Variants in KIF13A observed in about 807,000 individuals in gnomAD.
The protein encoded by KIF13A is kinesin-like protein KIF13A.
Under a neutral mutation model 212.2 loss-of-function variants are expected in KIF13A, and 79 were observed. The observed-to-expected ratio is 0.37, with a 90% confidence interval of 0.31 to 0.45. KIF13A has a LOEUF of 0.45. KIF13A is among the 20% of genes least tolerant of loss of function. KIF13A has a pLI of 1.00. For synonymous variants in KIF13A, 789 were observed against 808.6 expected, an observed-to-expected ratio of 0.98 and a Z score of 0.41; for missense variants, 1,901 against 2,209.0, an observed-to-expected ratio of 0.86 and a Z score of 2.79.
Position 17,786,543 on chromosome 6 carries a change from T to C in KIF13A, c.3362-902A>G, listed in dbSNP as rs1023269977. Among the ~76,000 whole-genome samples, 7 of 151,946 alleles carry C rather than the reference T, an allele frequency of 4.6e-5. No homozygotes were observed. The East Asian group carries it at 7.7e-4, about 17-fold the overall frequency. On this transcript the variant is annotated intron_variant, in intron 27 of 38. Transcript: ENST00000259711. The surrounding 1 kb of genome is among the most constrained non-coding windows in gnomAD (Gnocchi z 5.4). ...TGAACCTGGGAGGAGGAGGTTGCAG[T>C]GGGCCAAGATCATGCCACTGCACTC...
chr6:17,815,800 C>G (rs906792171), intron 17 of KIF13A, among the ~76,000 whole-genome samples: 2 of 152,080 alleles, frequency 1.3e-5, no homozygotes, highest in African/African-American at 4.8e-5. Flanking sequence ...CCCTTGGTCT[C>G]TTGCCTTGGC....
intron 12 of KIF13A, among the ~76,000 whole-genome samples, chr6:17,832,815 C>A (rs144523677): frequency 6.6e-6 from 1 of 151,576 alleles, no homozygotes; most frequent in Admixed American, 6.6e-5. Flanking sequence ...AGTTTGAGAT[C>A]AGCTGGGGCA....
At chr6:17,962,912 G>T (rs1308536550) in intron 2 of KIF13A, among the ~76,000 whole-genome samples, 1 of 152,160 alleles carries the variant, frequency 6.6e-6, no homozygotes, top group Admixed American at 6.5e-5. Context: ...TTATCAGCCA[G>T]CCCCAAAGTT....
rs1429408588 is a variant in KIF13A at position 17,772,131 on chromosome 6, G to A, written c.4325-72C>T. On this transcript the variant is annotated intron_variant, in intron 36 of 38. Transcript: ENST00000259711. This position sits in a 1 kb window ranked among gnomAD's most constrained non-coding sequence, Gnocchi z 4.8. ...AGCAAAACATAGGAACTGAGACAAT[G>A]ACCCAGCCATGGGAATATCTGGGAG... 1.1e-5 allele frequency: 16 copies of A among 1,393,192 alleles called. No homozygotes were observed. The Admixed American group carries it at 3.1e-4, about 27-fold the overall frequency. The allele number at this position is 1,393,192 out of a possible 1,614,324, so 86.3% of individuals were successfully genotyped here. A position where few individuals can be genotyped will look rare whatever the true frequency, so the allele number is the denominator to read the frequency against.
At chr6:17,910,592 T>C (rs552910755) in intron 2 of KIF13A, among the ~76,000 whole-genome samples, 102 of 152,370 alleles carry the variant, frequency 6.7e-4, no homozygotes, top group Admixed American at 9.1e-4. Flanking sequence ...CTGTTAGTTT[T>C]TGTCAAAAAA....
chr6:17,986,980 C>T, intron 2 of KIF13A, 74 bp downstream of exon 2: 2 of 1,070,978 alleles, frequency 1.9e-6, no homozygotes, highest in South Asian at 2.6e-5. Context: ...AGAGCACTCC[C>T]ATTTTCCTGG....
intron 23 of KIF13A, 71 bp downstream of exon 23, chr6:17,796,598 G>T: frequency 2.0e-6 from 2 of 984,134 alleles, no homozygotes; most frequent in Non-Finnish European, 2.8e-6. Flanking sequence ...TCCTAGGCCA[G>T]AGTAGGTTCA....
At chr6:17,807,554 A>G (rs2150342582) in intron 18 of KIF13A, among the ~76,000 whole-genome samples, 2 of 145,924 alleles carry the variant, frequency 1.4e-5, no homozygotes, top group South Asian at 4.2e-4. Context: ...TATCAAGACA[A>G]TATGTGCACC....
At chr6:17,795,740 C>G (rs982155740) in intron 23 of KIF13A, among the ~76,000 whole-genome samples, 1 of 152,188 alleles carries the variant, frequency 6.6e-6, no homozygotes, top group African/African-American at 2.4e-5. Flanking sequence ...AGTCCTCCCC[C>G]AGATTGCAGC....
intron 2 of KIF13A, among the ~76,000 whole-genome samples, chr6:17,980,328 T>C (rs912067087): frequency 6.6e-6 from 1 of 152,178 alleles, no homozygotes; most frequent in African/African-American, 2.4e-5. Context: ...CTTCCAATCA[T>C]GCTTTCTTAG....
chr6:17,817,196 T>C lies in KIF13A; in HGVS notation c.1824A>G (p.Gln608=), dbSNP rs371340641. The C allele has an allele frequency of 6.2e-7, 1 of 1,614,072 alleles. No homozygotes were observed. The highest frequency in any genetic ancestry group is 8.5e-7 in the Non-Finnish European group (1 of 1,179,904). ...GGGCACTTCTCTTTTCTTCTAGGTA[T>C]TGTTTCTCCAGGACCTGAACCACAT... ...VQNVVQVLEK[Q]YLEEKRSALE... The change falls in exon 17 of 39, where the codon CAA becomes CAG. Residue 608 remains glutamine, a synonymous_variant. Coordinates refer to ENST00000259711, the MANE Select transcript of KIF13A (RefSeq NM_022113.6).
At chr6:17,830,327 A>G (rs749012271) in intron 13 of KIF13A, among the ~76,000 whole-genome samples, 7 of 152,212 alleles carry the variant, frequency 4.6e-5, no homozygotes, top group Non-Finnish European at 5.9e-5. Context: ...GAGACATGTA[A>G]TGATGTTATA....
At chr6:17,835,778 G>A (rs1164878631) in intron 11 of KIF13A, among the ~76,000 whole-genome samples, 2 of 152,164 alleles carry the variant, frequency 1.3e-5, no homozygotes, top group African/African-American at 4.8e-5. Context: ...GTCTTCTATT[G>A]ATTACTTTTT....
intron 2 of KIF13A, among the ~76,000 whole-genome samples, chr6:17,928,804 G>A (rs1775714213): frequency 6.6e-6 from 1 of 152,056 alleles, no homozygotes; most frequent in Non-Finnish European, 1.5e-5. Flanking sequence ...ACACATAATA[G>A]AGGTCACATA....
downstream of KIF13A, among the ~76,000 whole-genome samples, chr6:17,763,475 C>CAAAAAAAAAA (rs67357010): frequency 2.0e-4 from 15 of 75,668 alleles, no homozygotes; most frequent in Admixed American, 3.7e-4. Flanking sequence ...CACTCCATCT[C>CAAAAAAAAAA]AAAAAAAAAA....
chr6:17,940,316 C>T (rs1182405801), intron 2 of KIF13A, among the ~76,000 whole-genome samples: 2 of 152,102 alleles, frequency 1.3e-5, no homozygotes, highest in African/African-American at 4.8e-5. Context: ...TTCTGTAAAT[C>T]CGTGGTGGGT....
chr6:17,770,993 ATTTTC>A, intron 38 of KIF13A, 116 bp downstream of exon 38: 1 of 648,998 alleles, frequency 1.5e-6, no homozygotes, highest in African/African-American at 1.9e-5. Flanking sequence ...TCACATTTTT[ATTTTC>A]TTTAAGACAA....
intron 2 of KIF13A, among the ~76,000 whole-genome samples, chr6:17,925,842 T>C (rs1254752401): frequency 6.6e-6 from 1 of 152,194 alleles, no homozygotes; most frequent in Non-Finnish European, 1.5e-5. Context: ...GACACTAAAA[T>C]GTCAGTTAGC....
intron 3 of KIF13A, among the ~76,000 whole-genome samples, chr6:17,893,160 A>T (rs1238374503): frequency 6.6e-6 from 1 of 152,188 alleles, no homozygotes; most frequent in Non-Finnish European, 1.5e-5. Flanking sequence ...AAAACACCAT[A>T]CATTTGGTGT....
Sources: allele counts gnomAD v4.1 joint callset (sites outside exome capture counted in the v4.1 genomes callset), GRCh38; gene constraint gnomAD v4.1.1; non-coding constraint Gnocchi (gnomAD v3.1); transcripts MANE v1.5; gene names NCBI Gene and HGNC (gene_info 2026-07-23, HGNC 2026-07-21).